Variants in GABRA5 observed in about 807,000 individuals in gnomAD.
The protein encoded by GABRA5 is gamma-aminobutyric acid type A receptor subunit alpha5.
Under a neutral mutation model 47.3 loss-of-function variants are expected in GABRA5, and 18 were observed. That is an observed-to-expected ratio of 0.38 (90% CI 0.26 to 0.56). GABRA5 has a LOEUF of 0.56. Among genes scored for constraint, GABRA5 ranks in the 20% least tolerant of loss-of-function variants. GABRA5 has a pLI of 0.71. For missense variants in GABRA5, 365 were observed against 599.3 expected, an observed-to-expected ratio of 0.61 and a Z score of 4.08; for synonymous variants, 237 against 229.3, an observed-to-expected ratio of 1.03 and a Z score of -0.30.
intron 3 of GABRA5, chr15:26,877,628 G>A (rs779512938): frequency 5.5e-5 from 25 of 455,126 alleles, no homozygotes; most frequent in South Asian, 1.7e-4. Context: ...ACTAGCACCC[G>A]TGGTGGAATG....
intron 6 of GABRA5, among the ~76,000 whole-genome samples, chr15:26,897,449 T>C (rs1893224984): frequency 6.6e-6 from 1 of 152,112 alleles, no homozygotes; most frequent in Admixed American, 6.5e-5. Context: ...CTCAGACTTC[T>C]ACCTCCAGAA....
intron 6 of GABRA5, among the ~76,000 whole-genome samples, chr15:26,894,911 T>G (rs9330524): frequency 6.6e-6 from 1 of 152,038 alleles, no homozygotes; most frequent in African/African-American, 2.4e-5. Context: ...TCTGTCTATT[T>G]TATTTTCTGA....
intron 7 of GABRA5, among the ~76,000 whole-genome samples, chr15:26,925,911 T>G (rs1893950634): frequency 6.6e-6 from 1 of 152,214 alleles, no homozygotes; most frequent in Admixed American, 6.5e-5. Context: ...GGTATAGGCT[T>G]ATGCTCCCCG....
intron 4 of GABRA5, among the ~76,000 whole-genome samples, chr15:26,882,801 C>A (rs1423056015): frequency 2.0e-5 from 3 of 152,038 alleles, no homozygotes; most frequent in African/African-American, 7.2e-5. Context: ...ACGGCGTGGC[C>A]CTGAGCTGCC....
At position 26,948,387 on chromosome 15, in the gene GABRA5, T is replaced by C. The variant is rs1257218349; in HGVS notation, c.*154T>C. On this transcript the variant is annotated 3_prime_UTR_variant, in exon 11 of 11. Coordinates refer to ENST00000335625, the MANE Select transcript of GABRA5 (RefSeq NM_000810.4). Reference sequence around the variant, plus strand: ...TGTACAAATAATATTGCCTTGATGTTTCTATATGTAACTTCAGATGTTTCC... The same window carrying C: ...TGTACAAATAATATTGCCTTGATGTCTCTATATGTAACTTCAGATGTTTCC... The C allele has an allele frequency of 1.5e-6, 1 of 678,836 alleles. No individual in the cohort carries two copies. The highest frequency in any genetic ancestry group is 1.8e-5 in the African/African-American group (1 of 55,102). 42.1% of individuals were successfully genotyped at this position (678,836 alleles called of 1,614,324 possible).
intron 6 of GABRA5, among the ~76,000 whole-genome samples, chr15:26,904,909 A>G (rs1893406423): frequency 6.6e-6 from 1 of 152,112 alleles, no homozygotes; most frequent in Non-Finnish European, 1.5e-5. Flanking sequence ...GCAAACAGGG[A>G]TAGTTTGACT....
At chr15:26,887,976 A>T (rs1892919203) in intron 6 of GABRA5, among the ~76,000 whole-genome samples, 1 of 152,184 alleles carries the variant, frequency 6.6e-6, no homozygotes, top group African/African-American at 2.4e-5. Flanking sequence ...AACTGTATTG[A>T]ATAAGATTTT....
chr15:26,915,631 A>T (rs1053649107), intron 7 of GABRA5, among the ~76,000 whole-genome samples: 3 of 152,182 alleles, frequency 2.0e-5, no homozygotes, highest in Admixed American at 2.0e-4. Context: ...CACTTGTTTC[A>T]GCATCATCCC....
chr15:26,907,967 A>G (rs535180214), intron 6 of GABRA5, among the ~76,000 whole-genome samples: 1 of 152,306 alleles, frequency 6.6e-6, no homozygotes, highest in Admixed American at 6.5e-5. Context: ...AGTTATTTTT[A>G]TGAGCACAGT....
rs549767502 is a variant in GABRA5 at position 26,939,470 on chromosome 15, G to A, written c.725-455G>A. 1.9e-4 allele frequency: 144 copies of A among 748,564 alleles called. No homozygotes were observed. The African/African-American group carries it at 2.2e-3, about 11-fold the overall frequency. The allele number at this position is 748,564 out of a possible 1,614,324, so 46.4% of individuals were successfully genotyped here. A position where few individuals can be genotyped will look rare whatever the true frequency, so the allele number is the denominator to read the frequency against. The stretch of plus-strand genomic sequence containing the variant: ...GCACCTGCGACACAGCCAGCACAGG[G>A]CCTGCTGCTGGTGGGAGTGGTCGTC... On this transcript the variant is annotated intron_variant, in intron 8 of 10. Coordinates refer to ENST00000335625, the MANE Select transcript of GABRA5 (RefSeq NM_000810.4).
chr15:26,884,816 G>A lies in GABRA5; in HGVS notation c.497+1259G>A, dbSNP rs535839388. Among the ~76,000 whole-genome samples the A allele has an allele frequency of 2.0e-5, 3 of 152,318 alleles. No individual in the cohort carries two copies. The East Asian group carries it at 5.8e-4, about 29-fold the overall frequency. On this transcript the variant is annotated intron_variant, in intron 6 of 10. Transcript: ENST00000335625. ...CTTTTGGAGGGGGTTTACCAACGGC[G>A]CGGTGCAGTCTTTCATCCTGCTGCT...
chr15:26,947,439 A>G (rs1483626334), intron 10 of GABRA5, among the ~76,000 whole-genome samples: 1 of 152,140 alleles, frequency 6.6e-6, no homozygotes, highest in African/African-American at 2.4e-5. Flanking sequence ...CCTTGTAAGT[A>G]AGAACATGTG....
intron 8 of GABRA5, chr15:26,939,533 ACT>A (rs1197520672): frequency 9.0e-6 from 6 of 663,930 alleles, no homozygotes; most frequent in South Asian, 1.7e-5. Flanking sequence ...AACAGGAAGG[ACT>A]CTGTCCACCC....
rs567606619 is a variant in GABRA5 at position 26,922,952 on chromosome 15, A to G, written c.580+8067A>G. On this transcript the variant is annotated intron_variant, in intron 7 of 10. Coordinates refer to ENST00000335625, the MANE Select transcript of GABRA5 (RefSeq NM_000810.4). ...GTATTACTTTATATATACAAAATTT[A>G]TCACGGTCTGCTGTATACTCATTTT... Among the ~76,000 whole-genome samples, 9 of 152,286 alleles carry G rather than the reference A, an allele frequency of 5.9e-5. No homozygotes were observed. In the South Asian group the frequency reaches 1.0e-3, roughly 18 times the overall value.
At chr15:26,905,270 T>C (rs1893417781) in intron 6 of GABRA5, among the ~76,000 whole-genome samples, 1 of 100,542 alleles carries the variant, frequency 9.9e-6, no homozygotes, top group Admixed American at 1.0e-4. Flanking sequence ...AATAGAATTC[T>C]TGGTTGACAA....
chr15:26,879,916 C>T (rs1892687203), intron 3 of GABRA5, among the ~76,000 whole-genome samples: 1 of 152,184 alleles, frequency 6.6e-6, no homozygotes, highest in Admixed American at 6.5e-5. Context: ...GGTAAGTCCC[C>T]TTGAAGCCAA....
chr15:26,890,854 G>A (rs1214584791), intron 6 of GABRA5, among the ~76,000 whole-genome samples: 1 of 152,104 alleles, frequency 6.6e-6, no homozygotes, highest in African/African-American at 2.4e-5. Context: ...GAATGTATGA[G>A]ATCTCCTTTT....
At chr15:26,876,814 G>A (rs1196211424) in intron 3 of GABRA5, among the ~76,000 whole-genome samples, 5 of 152,208 alleles carry the variant, frequency 3.3e-5, no homozygotes, top group Non-Finnish European at 7.3e-5. Context: ...GATGGGCATG[G>A]CAAGAGAATG....
chr15:26,873,116 T>C (rs1213603622), intron 3 of GABRA5, among the ~76,000 whole-genome samples: 1 of 152,188 alleles, frequency 6.6e-6, no homozygotes. Context: ...TGGGATTACT[T>C]GAAGTACTAT....
Sources: allele counts gnomAD v4.1 joint callset (sites outside exome capture counted in the v4.1 genomes callset), GRCh38; gene constraint gnomAD v4.1.1; transcripts MANE v1.5; gene names NCBI Gene and HGNC (gene_info 2026-07-23, HGNC 2026-07-21).